The following RAB27A variants were observed in gnomAD, a reference collection of about 807,000 sequenced individuals.
The protein encoded by RAB27A is RAB27A, member RAS oncogene family.
Under a neutral mutation model 20.8 loss-of-function variants are expected in RAB27A, and 17 were observed. The observed-to-expected ratio is 0.82, with a 90% confidence interval of 0.56 to 1.23. The LOEUF (loss-of-function observed/expected upper bound fraction) is 1.23. Among genes scored for constraint, RAB27A ranks in the 50% most tolerant of loss-of-function variants. The probability of loss-of-function intolerance (pLI) is 0.00; values close to 1 mark genes in which losing one functional copy is unlikely to be tolerated. For missense variants in RAB27A, 277 were observed against 266.7 expected (o/e 1.04, Z -0.27); for synonymous variants, 85 against 92.8 (o/e 0.92, Z 0.48).
At chr15:55,213,701 G>A (rs541774323) in intron 6 of RAB27A, among the ~76,000 whole-genome samples, 53 of 152,270 alleles carry the variant, frequency 3.5e-4, no homozygotes, top group Non-Finnish European at 6.8e-4. Flanking sequence ...AGGGATCTAG[G>A]TTGCACTCTC....
intron 1 of RAB27A, among the ~76,000 whole-genome samples, chr15:55,288,633 T>C (rs1454538503): frequency 1.3e-5 from 2 of 151,600 alleles, no homozygotes; most frequent in South Asian, 4.2e-4. Context: ...GAAGAGAGAA[T>C]GGTAGAAAGG....
At chr15:55,294,347 G>A (rs1445239126), upstream of RAB27A, among the ~76,000 whole-genome samples, 1 of 152,006 alleles carries the variant, frequency 6.6e-6, no homozygotes, top group African/African-American at 2.4e-5. Context: ...CAATACTTTG[G>A]GAGGCCAACA....
chr15:55,222,803 T>A (rs1476470328), intron 6 of RAB27A, among the ~76,000 whole-genome samples: 2 of 152,102 alleles, frequency 1.3e-5, no homozygotes, highest in South Asian at 4.1e-4. Context: ...TCTATTTCCC[T>A]CCCCTCCCTT....
intron 2 of RAB27A, among the ~76,000 whole-genome samples, chr15:55,302,505 G>A (rs936182888): frequency 1.3e-5 from 2 of 151,940 alleles, no homozygotes; most frequent in African/African-American, 4.8e-5. Flanking sequence ...CCCCGTCTGG[G>A]AAGTGAGGAG....
At chr15:55,317,807 C>CAGCT (rs2055063192) in intron 1 of RAB27A, 1 of 397,724 alleles carries the variant, frequency 2.5e-6, no homozygotes, top group Non-Finnish European at 4.4e-6. Context: ...GCAACAAATA[C>CAGCT]AGCTCAAGGA....
At chr15:55,315,302 A>G (rs975330380) in intron 1 of RAB27A, among the ~76,000 whole-genome samples, 4 of 152,378 alleles carry the variant, frequency 2.6e-5, no homozygotes, top group African/African-American at 9.6e-5. Context: ...TAAAACCATA[A>G]AAAGTCTAGA....
At chr15:55,309,586 T>C (rs2055011702) in intron 2 of RAB27A, among the ~76,000 whole-genome samples, 1 of 152,126 alleles carries the variant, frequency 6.6e-6, no homozygotes, top group Admixed American at 6.5e-5. Flanking sequence ...TGAGTTGAGA[T>C]GTTGGGTTCA....
chr15:55,216,597 A>G (rs1895317164), intron 6 of RAB27A, among the ~76,000 whole-genome samples: 2 of 152,194 alleles, frequency 1.3e-5, no homozygotes, highest in African/African-American at 4.8e-5. Flanking sequence ...CAACATGGTA[A>G]ACATTAAATT....
At chr15:55,216,694 A>G (rs575338395) in intron 6 of RAB27A, among the ~76,000 whole-genome samples, 88 of 152,294 alleles carry the variant, frequency 5.8e-4, no homozygotes, top group African/African-American at 2.1e-3. Context: ...TTAATCCACA[A>G]TGTAGCTGAT....
chr15:55,319,082 A>AAAGGAAACC, exon 1 of RAB27A: 1 of 789,566 alleles, frequency 1.3e-6, no homozygotes, highest in Non-Finnish European at 1.9e-6. Flanking sequence ...GGAAACGGCG[A>AAAGGAAACC]AAGGAAACCG....
intron 1 of RAB27A, among the ~76,000 whole-genome samples, chr15:55,285,828 T>G (rs1256540192): frequency 6.6e-6 from 1 of 152,194 alleles, no homozygotes; most frequent in Non-Finnish European, 1.5e-5. Flanking sequence ...TCACTCTTCT[T>G]AAATTAGCAC....
rs2055096895 is a variant in RAB27A at position 55,318,995 on chromosome 15, C to T, written c.-298G>A. 1.1e-5 allele frequency: 5 copies of T among 460,182 alleles called. No individual in the cohort carries two copies. The South Asian group carries it at 1.2e-4, about 11-fold the overall frequency. The allele number at this position is 460,182 out of a possible 1,614,324, so 28.5% of individuals were successfully genotyped here. ...CTACCGCCTGCTCCCCTCCAGAGAC[C>T]GGGGGCCTTCCAGCAGTTTTCGGAC... On this transcript the variant is annotated 5_prime_UTR_variant, in exon 1 of 6. Coordinates refer to the RAB27A transcript ENST00000563262.
intron 4 of RAB27A, among the ~76,000 whole-genome samples, chr15:55,229,609 A>T (rs564412620): frequency 9.2e-5 from 14 of 152,104 alleles, no homozygotes; most frequent in African/African-American, 3.4e-4. Context: ...AGCAAGGTAG[A>T]GGTTGCGGTG....
At position 55,205,251 on chromosome 15, in the gene RAB27A, A is replaced by G. The variant is rs938835285; in HGVS notation, c.*256T>C. On this transcript the variant is annotated 3_prime_UTR_variant, in exon 7 of 7. Transcript: ENST00000336787. ...ATTCTGAATCCTTGAATGATTTACT[A>G]TAATAGGCTAAGGTTGTATAAGGCA... 26 of 517,128 alleles carry G rather than the reference A, an allele frequency of 5.0e-5. No individual in the cohort carries two copies. The highest frequency in any genetic ancestry group is 4.6e-4 in the African/African-American group (24 of 52,068). The allele number at this position is 517,128 out of a possible 1,614,324, so 32.0% of individuals were successfully genotyped here. A position where few individuals can be genotyped will look rare whatever the true frequency, so the allele number is the denominator to read the frequency against.
chr15:55,223,776 C>T lies in RAB27A; in HGVS notation c.467+113G>A, dbSNP rs1779148390. On this transcript the variant is annotated intron_variant, in intron 6 of 6. Transcript: ENST00000336787. ...AGGACACATTCAACATGCCCCAAGGCCTATGGCTGAGGTTTTGCTTTAATT... is the reference window on the plus strand; with the variant it reads ...AGGACACATTCAACATGCCCCAAGGTCTATGGCTGAGGTTTTGCTTTAATT... 12 of 1,288,120 alleles carry T rather than the reference C, an allele frequency of 9.3e-6. No homozygotes were observed. The Admixed American group carries it at 1.7e-4, about 18-fold the overall frequency. The allele number at this position is 1,288,120 out of a possible 1,614,324, so 79.8% of individuals were successfully genotyped here. A position where few individuals can be genotyped will look rare whatever the true frequency, so the allele number is the denominator to read the frequency against.
intron 4 of RAB27A, among the ~76,000 whole-genome samples, chr15:55,229,254 C>G (rs907097011): frequency 6.6e-6 from 1 of 150,672 alleles, no homozygotes; most frequent in Non-Finnish European, 1.5e-5. Flanking sequence ...AGTTTCCTCT[C>G]GTCTTTGCCT....
rs554501348 is a variant in RAB27A, at chr15:55,258,597, A to G, written c.-23+11568T>C. 1.5e-4 allele frequency among the ~76,000 whole-genome samples: 23 copies of G among 152,350 alleles called. No homozygotes were observed. In the East Asian group the frequency reaches 2.9e-3, roughly 19 times the overall value. On this transcript the variant is annotated intron_variant, in intron 2 of 6. Coordinates refer to ENST00000336787, the MANE Select transcript of RAB27A (RefSeq NM_183235.3). Reference sequence around the variant, plus strand: ...TATACCTATGCACACATGTTCAGTAATACAAGATAATGTCAAATTGCTGTC... The same window carrying G: ...TATACCTATGCACACATGTTCAGTAGTACAAGATAATGTCAAATTGCTGTC...
upstream of RAB27A, among the ~76,000 whole-genome samples, chr15:55,293,165 G>T (rs8036345): frequency 0.49 from 74,024 of 151,812 alleles, 21,349 homozygotes; most frequent in African/African-American, 0.79. Flanking sequence ...GAATTAAAGT[G>T]GATGGAATCA....
At chr15:55,242,144 C>T (rs2444043) in intron 2 of RAB27A, among the ~76,000 whole-genome samples, 79,014 of 151,846 alleles carry the variant, frequency 0.52, 21,163 homozygotes, top group East Asian at 0.76. Flanking sequence ...AGCCATTTTC[C>T]GAAAGCCAAA....
Sources: gnomAD v4.1 joint callset for allele counts (sites outside exome capture counted in the v4.1 genomes callset) on GRCh38, gnomAD v4.1.1 for gene constraint, MANE v1.5 for transcripts, NCBI Gene and HGNC (gene_info 2026-07-23, HGNC 2026-07-21) for gene names.